The following NFE2L3 variants were observed in gnomAD, a reference collection of about 807,000 sequenced individuals.
NFE2L3 encodes NFE2 like bZIP transcription factor 3, also known as nuclear factor erythroid 2-related factor 3.
Under a neutral mutation model 23.5 loss-of-function variants are expected in NFE2L3, and 18 were observed. The ratio of observed to expected loss-of-function variants is 0.77; its 90% CI spans 0.53 to 1.13. The LOEUF (loss-of-function observed/expected upper bound fraction) is 1.13, where lower values mean the gene tolerates loss of function less well. Ranked by LOEUF, NFE2L3 falls within the 50% of genes most tolerant of loss-of-function variation. NFE2L3 has a pLI of 0.00. For synonymous variants in NFE2L3, 424 were observed against 354.5 expected (o/e 1.20, Z -2.20); for missense variants, 1,152 against 877.2 (o/e 1.31, Z -3.96).
chr7:26,183,288 C>T (rs1782374659), intron 2 of NFE2L3, among the ~76,000 whole-genome samples: 1 of 152,124 alleles, frequency 6.6e-6, no homozygotes, highest in Non-Finnish European at 1.5e-5. Flanking sequence ...TGGCTCACGT[C>T]TGTAATCCCA....
At chr7:26,164,029 G>GCCACATTT (rs1410484223) in intron 1 of NFE2L3, among the ~76,000 whole-genome samples, 1 of 152,108 alleles carries the variant, frequency 6.6e-6, no homozygotes, top group Non-Finnish European at 1.5e-5. Flanking sequence ...TTGTATATTT[G>GCCACATTT]CCACATTTTC....
chr7:26,166,295 G>A (rs1406173767), intron 1 of NFE2L3, among the ~76,000 whole-genome samples: 1 of 152,178 alleles, frequency 6.6e-6, no homozygotes, highest in African/African-American at 2.4e-5. Flanking sequence ...ATGAGGGGCT[G>A]TCATCGTGGA....
At chr7:26,168,173 G>C (rs1222700066) in intron 1 of NFE2L3, among the ~76,000 whole-genome samples, 2 of 149,506 alleles carry the variant, frequency 1.3e-5, no homozygotes, top group African/African-American at 2.5e-5. Context: ...GTCATACTCT[G>C]TCACCCAGAC....
chr7:26,177,822 CT>C, intron 1 of NFE2L3, 120 bp from the exon 2 acceptor site: 2 of 827,098 alleles, frequency 2.4e-6, no homozygotes, highest in Non-Finnish European at 3.9e-6. Flanking sequence ...TTCTTTGATA[CT>C]GAAATATTGA....
chr7:26,183,658 C>T, intron 2 of NFE2L3, 43 bp from the exon 3 acceptor site: 19 of 1,230,440 alleles, frequency 1.5e-5, no homozygotes, highest in Non-Finnish European at 2.3e-5. Flanking sequence ...CCAACCAGTT[C>T]AGTCTTTTAT....
chr7:26,184,913 A>G lies in NFE2L3; in HGVS notation c.1215A>G (p.Pro405=). Residue 405 remains proline, a synonymous_variant, in exon 4 of 4, where the codon CCA becomes CCG. Transcript: ENST00000056233. ...MSLATEDNFD[P]IDVSQLFDEP... ...TGGCCACAGAAGACAACTTTGATCCAATCGATGTTTCTCAGCTTTTTGATG... is the reference window on the plus strand; with the variant it reads ...TGGCCACAGAAGACAACTTTGATCCGATCGATGTTTCTCAGCTTTTTGATG... 1 of 1,613,992 alleles carries G rather than the reference A, an allele frequency of 6.2e-7. No homozygotes were observed. The highest frequency in any genetic ancestry group is 8.5e-7 in the Non-Finnish European group (1 of 1,179,862).
rs565186473 is a variant in NFE2L3 at position 26,153,611 on chromosome 7, G to A, written c.570+543G>A. On this transcript the variant is annotated intron_variant, in intron 1 of 3. Transcript: ENST00000056233. ...TCTATTCAGAGGCCAGCCGGCAGGC[G>A]GTCCCCCTGTGACCTAACCATCCCC... is the stretch of plus-strand genomic sequence containing the variant. Among the ~76,000 whole-genome samples, 17 of 152,286 alleles carry A rather than the reference G, an allele frequency of 1.1e-4. No homozygotes were observed. In the South Asian group the frequency reaches 3.5e-3, roughly 32 times the overall value.
chr7:26,161,322 T>C (rs1784166835), intron 1 of NFE2L3, among the ~76,000 whole-genome samples: 1 of 150,028 alleles, frequency 6.7e-6, no homozygotes, highest in Non-Finnish European at 1.5e-5. Flanking sequence ...ACTTAATTTC[T>C]TAGCTTCTCT....
chr7:26,181,269 A>G (rs1031264722), intron 2 of NFE2L3, among the ~76,000 whole-genome samples: 4 of 152,120 alleles, frequency 2.6e-5, no homozygotes, highest in Non-Finnish European at 4.4e-5. Context: ...GAGCCACTGC[A>G]CCCAGCCACA....
chr7:26,180,929 C>T (rs932243028), intron 2 of NFE2L3, among the ~76,000 whole-genome samples: 2 of 152,114 alleles, frequency 1.3e-5, no homozygotes, highest in African/African-American at 2.4e-5. Context: ...ATGTTCCTAG[C>T]CTGAGCATTT....
intron 1 of NFE2L3, among the ~76,000 whole-genome samples, chr7:26,172,994 TTTA>T (rs1196751340): frequency 6.6e-6 from 1 of 152,220 alleles, no homozygotes; most frequent in Admixed American, 6.5e-5. Context: ...TCCTTTTATA[TTTA>T]TTATTTGTAT....
chr7:26,180,204 G>GTT, intron 2 of NFE2L3, among the ~76,000 whole-genome samples: 1 of 152,304 alleles, frequency 6.6e-6, no homozygotes, highest in East Asian at 1.9e-4. Context: ...CACACACTGA[G>GTT]TTCTAAGTGG....
chr7:26,157,098 C>A (rs768130475), intron 1 of NFE2L3, among the ~76,000 whole-genome samples: 1 of 151,104 alleles, frequency 6.6e-6, no homozygotes, highest in South Asian at 2.1e-4. Context: ...GGTGACAAAG[C>A]GAGACTCCAT....
At chr7:26,183,846 A>C in intron 3 of NFE2L3, 62 bp downstream of exon 3, 1 of 1,024,822 alleles carries the variant, frequency 9.8e-7, no homozygotes. Context: ...TTTGGTGAAC[A>C]AATACAACTC....
chr7:26,156,593 T>A (rs1784085872), intron 1 of NFE2L3, among the ~76,000 whole-genome samples: 1 of 152,218 alleles, frequency 6.6e-6, no homozygotes, highest in East Asian at 1.9e-4. Flanking sequence ...CATGCATTCT[T>A]CCAAGTAACA....
chr7:26,175,870 TTTAG>T (rs1784395895), intron 1 of NFE2L3, among the ~76,000 whole-genome samples: 1 of 148,416 alleles, frequency 6.7e-6, no homozygotes, highest in Non-Finnish European at 1.5e-5. Context: ...TTTTTTTTTT[TTTAG>T]TATTTATTGA....
Position 26,186,308 on chromosome 7 carries a change from T to TTATACAGAATCTGAACCAAATTTACCTTA in NFE2L3, c.*526_*554dup, listed in dbSNP as rs1782486572. 1 of 152,290 alleles carries TTATACAGAATCTGAACCAAATTTACCTTA rather than the reference T, an allele frequency of 6.6e-6. No homozygotes were observed. The highest frequency in any genetic ancestry group is 1.5e-5 in the Non-Finnish European group (1 of 68,094). The allele number at this position is 152,290 out of a possible 1,614,324, so 9.4% of individuals were successfully genotyped here. A position where few individuals can be genotyped will look rare whatever the true frequency, so the allele number is the denominator to read the frequency against. On this transcript the variant is annotated 3_prime_UTR_variant, in exon 4 of 4. Coordinates refer to ENST00000056233, the MANE Select transcript of NFE2L3 (RefSeq NM_004289.7). ...TGTATTAAAAATTAACTTTTCCCTTTTATACAGAATCTGAACCAAATTTAC... is the reference window on the plus strand; with the variant it reads ...TGTATTAAAAATTAACTTTTCCCTTTTATACAGAATCTGAACCAAATTTACCTTATATACAGAATCTGAACCAAATTTAC...
At chr7:26,178,199 G>A in intron 2 of NFE2L3, 77 bp downstream of exon 2, 1 of 1,263,026 alleles carries the variant, frequency 7.9e-7, no homozygotes, top group Non-Finnish European at 1.1e-6. Flanking sequence ...TTTGTGTCAA[G>A]AATGAGCATG....
rs1228309707 is a variant in NFE2L3 at position 26,186,157 on chromosome 7, G to GT, written c.*378dup. ...TCAAATTATTTTAAGAGGTATTTCA[G>GT]TTTTAAATGCAAAATAGCCTTATTT... On this transcript the variant is annotated 3_prime_UTR_variant, in exon 4 of 4. Coordinates refer to ENST00000056233, the MANE Select transcript of NFE2L3 (RefSeq NM_004289.7). 6.0e-6 allele frequency: 1 copy of GT among 165,782 alleles called. No individual in the cohort carries two copies. The highest frequency in any genetic ancestry group is 1.3e-5 in the Non-Finnish European group (1 of 77,488). 10.3% of individuals were successfully genotyped at this position (165,782 alleles called of 1,614,324 possible). A position where few individuals can be genotyped will look rare whatever the true frequency, so the allele number is the denominator to read the frequency against.
Sources: gnomAD v4.1 joint callset for allele counts (sites outside exome capture counted in the v4.1 genomes callset) on GRCh38, gnomAD v4.1.1 for gene constraint, MANE v1.5 for transcripts, NCBI Gene and HGNC (gene_info 2026-07-23, HGNC 2026-07-21) for gene names.